The following FGF14 variants were observed in gnomAD, a reference collection of about 807,000 sequenced individuals.
The protein encoded by FGF14 is fibroblast growth factor 14.
FGF14 carries 5 observed loss-of-function variants against 25.5 expected under a neutral mutation model. The ratio of observed to expected loss-of-function variants is 0.20; its 90% confidence interval spans 0.10 to 0.41. The LOEUF is 0.41. Among genes scored for constraint, FGF14 ranks in the 10% least tolerant of loss-of-function variants. The pLI is 1.00. For missense variants in FGF14, 222 were observed against 320.1 expected (o/e 0.69, Z 2.34); for synonymous variants, 138 against 118.3 (o/e 1.17, Z -1.08).
chr13:102,051,507 C>G (rs764496229), intron 1 of FGF14, among the ~76,000 whole-genome samples: 31 of 152,154 alleles, frequency 2.0e-4, no homozygotes, highest in Non-Finnish European at 3.5e-4. Flanking sequence ...CCCAAAGGAC[C>G]TGCTGAGCCA....
At chr13:101,851,978 G>C (rs2043875149) in intron 3 of FGF14, among the ~76,000 whole-genome samples, 1 of 152,116 alleles carries the variant, frequency 6.6e-6, no homozygotes, top group South Asian at 2.1e-4. Flanking sequence ...CAGAGGCTCA[G>C]TCAGGTCAGC....
At chr13:102,080,980 T>C (rs2043591836) in intron 1 of FGF14, among the ~76,000 whole-genome samples, 1 of 152,232 alleles carries the variant, frequency 6.6e-6, no homozygotes, top group African/African-American at 2.4e-5. Context: ...CCCATTCCTT[T>C]GCATGAGGGA....
At chr13:102,395,555 C>T (rs2058560132) in intron 1 of FGF14, 1 of 152,244 alleles carries the variant, frequency 6.6e-6, no homozygotes, top group African/African-American at 2.4e-5. Flanking sequence ...TATTTAGTAG[C>T]CAAATTCTTG....
intron 3 of FGF14, among the ~76,000 whole-genome samples, chr13:101,783,340 C>T (rs1211877683): frequency 6.6e-6 from 1 of 151,946 alleles, no homozygotes; most frequent in Non-Finnish European, 1.5e-5. Context: ...TGTGGTGGCA[C>T]ATGCCCATAA....
rs771557088 is a variant in FGF14, at chr13:101,715,619, G to A, written c.*7212C>T. 6.2e-7 allele frequency: 1 copy of A among 1,613,396 alleles called. No individual in the cohort carries two copies. ...ATGCTGGGATGGATGGAATGGAAAT[G>A]CATGTGAAATCTGGCTTGGCTCAGA... On this transcript the variant is annotated 3_prime_UTR_variant, in exon 5 of 5. Coordinates refer to ENST00000376143, the MANE Select transcript of FGF14 (RefSeq NM_004115.4).
chr13:101,940,833 A>G (rs932766656), intron 1 of FGF14, among the ~76,000 whole-genome samples: 6 of 152,196 alleles, frequency 3.9e-5, no homozygotes, highest in African/African-American at 1.4e-4. Context: ...AGCACAGTAA[A>G]ATTCAACAAA....
At chr13:102,367,180 C>G (rs2057738848) in intron 1 of FGF14, 1 of 152,122 alleles carries the variant, frequency 6.6e-6, no homozygotes, top group East Asian at 1.9e-4. Context: ...TGGTTCTGGC[C>G]CAGGGTCTCT....
intron 3 of FGF14, among the ~76,000 whole-genome samples, chr13:101,822,940 AT>A (rs932620955): frequency 6.6e-5 from 10 of 151,568 alleles, no homozygotes; most frequent in East Asian, 1.9e-4. Flanking sequence ...CCCACATTAG[AT>A]TTTTTTTTAA....
intron 1 of FGF14, among the ~76,000 whole-genome samples, chr13:101,934,152 G>T (rs1040658912): frequency 3.3e-5 from 5 of 152,206 alleles, no homozygotes; most frequent in Non-Finnish European, 5.9e-5. Context: ...AAATTAGAAA[G>T]CAGTCTGCAA....
chr13:101,997,421 A>T (rs574590599), intron 1 of FGF14, among the ~76,000 whole-genome samples: 5 of 152,342 alleles, frequency 3.3e-5, no homozygotes, highest in Non-Finnish European at 7.3e-5. Flanking sequence ...CTATTTACTA[A>T]ATTAAATAAA....
At chr13:101,757,437 CTG>C (rs2037737413) in intron 3 of FGF14, among the ~76,000 whole-genome samples, 1 of 152,122 alleles carries the variant, frequency 6.6e-6, no homozygotes, top group Admixed American at 6.6e-5. Context: ...AAAATACAAA[CTG>C]AGAAATTTGC....
chr13:102,356,489 T>TA (rs2057420778), intron 1 of FGF14, among the ~76,000 whole-genome samples: 1 of 152,206 alleles, frequency 6.6e-6, no homozygotes, highest in African/African-American at 2.4e-5. Context: ...GTCAACCACA[T>TA]AGAGTACATT....
intron 3 of FGF14, among the ~76,000 whole-genome samples, chr13:101,859,285 G>A (rs1168779476): frequency 6.6e-6 from 1 of 152,100 alleles, no homozygotes; most frequent in Non-Finnish European, 1.5e-5. Flanking sequence ...GAGGAAATGG[G>A]ACAAATATTT....
At chr13:101,875,407 T>C (rs2045339758) in intron 1 of FGF14, 111 bp from the exon 2 acceptor site, 1 of 752,144 alleles carries the variant, frequency 1.3e-6, no homozygotes, top group East Asian at 2.7e-5. Context: ...ACAAGTAGCA[T>C]ATTTTATTTT....
intron 1 of FGF14, among the ~76,000 whole-genome samples, chr13:101,890,508 A>G (rs528131740): frequency 6.6e-6 from 1 of 152,286 alleles, no homozygotes; most frequent in South Asian, 2.1e-4. Flanking sequence ...TCCTAAGGTC[A>G]TCCCAGAAAG....
At chr13:102,018,374 G>T (rs2040455753) in intron 1 of FGF14, among the ~76,000 whole-genome samples, 1 of 152,044 alleles carries the variant, frequency 6.6e-6, no homozygotes, top group African/African-American at 2.4e-5. Flanking sequence ...TTCTCAGTCA[G>T]GGAGGTAGCT....
At chr13:102,302,209 T>G (rs1408326231) in intron 1 of FGF14, among the ~76,000 whole-genome samples, 1 of 152,202 alleles carries the variant, frequency 6.6e-6, no homozygotes, top group Non-Finnish European at 1.5e-5. Context: ...GAGCATTGAA[T>G]GGAGTGCCAG....
Position 101,714,970 on chromosome 13 carries a change from T to C in FGF14, c.*7861A>G, listed in dbSNP as rs150841780. ...GCTTTTAGGGAACTGGATGTGTGTA[T>C]GGGGGAGAGGTATAAAGAGGGCTCA... On this transcript the variant is annotated 3_prime_UTR_variant, in exon 5 of 5. Coordinates refer to ENST00000376143, the MANE Select transcript of FGF14 (RefSeq NM_004115.4). The C allele has an allele frequency of 6.0e-4, 114 of 190,528 alleles. No individual in the cohort carries two copies. Among genetic ancestry groups the C allele is most frequent in the African/African-American group, 2.5e-3 (105 of 42,356 alleles). The allele number at this position is 190,528 out of a possible 1,614,324, so 11.8% of individuals were successfully genotyped here.
upstream of FGF14, among the ~76,000 whole-genome samples, chr13:101,920,838 T>A (rs913908547): frequency 3.3e-5 from 5 of 152,210 alleles, no homozygotes; most frequent in African/African-American, 1.2e-4. Flanking sequence ...ACCAACTGAT[T>A]GATAATAAAA....
Sources: allele counts gnomAD v4.1 joint callset (sites outside exome capture counted in the v4.1 genomes callset), GRCh38; gene constraint gnomAD v4.1.1; transcripts MANE v1.5; gene names NCBI Gene and HGNC (gene_info 2026-07-23, HGNC 2026-07-21).